BLTP1: variants seen among roughly 807,000 people sequenced by gnomAD.
The protein encoded by BLTP1 is fragile site-associated protein.
At chr4:122,351,633 G>T in the BLTP1 span, among the ~76,000 whole-genome samples, 1 of 152,122 alleles carries the variant, frequency 6.6e-6, no homozygotes, top group Non-Finnish European at 1.5e-5. Context: ...GTAGCCAACT[G>T]TCCTAAAGAA....
At chr4:122,280,989 A>T in the BLTP1 span, among the ~76,000 whole-genome samples, 1 of 152,182 alleles carries the variant, frequency 6.6e-6, no homozygotes, top group African/African-American at 2.4e-5. Flanking sequence ...CAGACCCTGG[A>T]GTCAGACTGA....
chr4:122,333,856 A>G, the BLTP1 span: 3 of 1,564,096 alleles, frequency 1.9e-6, no homozygotes, highest in African/African-American at 1.4e-5. Flanking sequence ...ATTGGTAGCA[A>G]TGTTTATTTT....
At chr4:122,318,130 A>G in the BLTP1 span, 2 of 1,589,328 alleles carry the variant, frequency 1.3e-6, no homozygotes, top group African/African-American at 1.4e-5. Flanking sequence ...TAATTGCCAT[A>G]TTTGTTTTGC....
chr4:122,272,236 T>A, the BLTP1 span: 1 of 1,613,380 alleles, frequency 6.2e-7, no homozygotes, highest in South Asian at 1.1e-5. Flanking sequence ...TGACTAAGAC[T>A]CAGAGGAAAC....
chr4:122,320,351 A>C, the BLTP1 span, among the ~76,000 whole-genome samples: 1 of 151,856 alleles, frequency 6.6e-6, no homozygotes, highest in Non-Finnish European at 1.5e-5. Flanking sequence ...GGGTCTTGCT[A>C]TGTTGCCCAG....
the BLTP1 span, chr4:122,209,422 A>G: frequency 1.1e-5 from 14 of 1,312,770 alleles, no homozygotes; most frequent in Middle Eastern, 2.6e-4. Flanking sequence ...AGATGGGTGG[A>G]TCACCTGAGA....
At chr4:122,238,159 A>G in the BLTP1 span, 2 of 1,613,966 alleles carry the variant, frequency 1.2e-6, no homozygotes, top group Non-Finnish European at 1.7e-6. Context: ...TAGAGAGAAA[A>G]ACTCAGCACC....
chr4:122,273,935 T>G, the BLTP1 span, among the ~76,000 whole-genome samples: 2 of 152,174 alleles, frequency 1.3e-5, no homozygotes, highest in African/African-American at 4.8e-5. Context: ...ATTTATACCC[T>G]CCATTAAAAT....
chr4:122,288,266 C>G, the BLTP1 span, among the ~76,000 whole-genome samples: 1 of 152,168 alleles, frequency 6.6e-6, no homozygotes, highest in Non-Finnish European at 1.5e-5. Context: ...TGATGATTTA[C>G]TAATTCACTC....
the BLTP1 span, chr4:122,341,518 AGCAGTATATAT>A: frequency 6.1e-6 from 1 of 162,758 alleles, no homozygotes; most frequent in Non-Finnish European, 1.3e-5. Flanking sequence ...AAATTAATAT[AGCAGTATATAT>A]GCACCATGCT....
the BLTP1 span, among the ~76,000 whole-genome samples, chr4:122,182,294 G>C: frequency 3.9e-5 from 6 of 152,116 alleles, no homozygotes; most frequent in Admixed American, 3.9e-4. Flanking sequence ...TGAATCTGAA[G>C]TAGTGACTAC....
At chr4:122,265,492 C>T in the BLTP1 span, among the ~76,000 whole-genome samples, 8 of 151,956 alleles carry the variant, frequency 5.3e-5, no homozygotes, top group Non-Finnish European at 1.2e-4. Flanking sequence ...AATTAGGAAG[C>T]TAATGATCAA....
the BLTP1 span, chr4:122,179,973 AAAAGACAGGCACTTCTTCC>A: frequency 1.0e-6 from 1 of 984,690 alleles, no homozygotes; most frequent in Non-Finnish European, 1.2e-6. Flanking sequence ...GTATCCCTCC[AAAAGACAGGCACTTCTTCC>A]AAAGGCATCC....
chr4:122,189,412 G>A, the BLTP1 span: 18 of 983,372 alleles, frequency 1.8e-5, no homozygotes, highest in African/African-American at 3.1e-4. Flanking sequence ...TCCAGAGTTA[G>A]AGTTCACGAT....
chr4:122,230,489 A>G, the BLTP1 span, among the ~76,000 whole-genome samples: 71 of 152,286 alleles, frequency 4.7e-4, no homozygotes, highest in Middle Eastern at 6.8e-3. Flanking sequence ...AGTTTAAGTT[A>G]TGGTCCCCAA....
chr4:122,299,065 T>C, the BLTP1 span: 4 of 983,456 alleles, frequency 4.1e-6, no homozygotes, highest in Non-Finnish European at 4.8e-6. Context: ...TCCACATATA[T>C]ATGGCCCTTC....
the BLTP1 span, chr4:122,178,216 C>T: frequency 1.2e-6 from 1 of 806,760 alleles, no homozygotes; most frequent in African/African-American, 1.9e-5. Context: ...TGAGATTCTT[C>T]AAGGTTATAA....
At chr4:122,215,867 T>G in the BLTP1 span, among the ~76,000 whole-genome samples, 1 of 151,484 alleles carries the variant, frequency 6.6e-6, no homozygotes, top group Non-Finnish European at 1.5e-5. Context: ...GTCTCCAAAG[T>G]CTGTTATATC....
At chr4:122,329,922 T>C in the BLTP1 span, among the ~76,000 whole-genome samples, 1 of 151,824 alleles carries the variant, frequency 6.6e-6, no homozygotes, top group Non-Finnish European at 1.5e-5. Context: ...CATTCTATTC[T>C]CTACTTCTAT....
Sources: gnomAD v4.1 joint callset for allele counts (sites outside exome capture counted in the v4.1 genomes callset) on GRCh38, gnomAD v4.1.1 for gene constraint, MANE v1.5 for transcripts, NCBI Gene and HGNC (gene_info 2026-07-23, HGNC 2026-07-21) for gene names.